Variants in PRKN observed in about 807,000 individuals in gnomAD.
PRKN encodes the protein E3 ubiquitin-protein ligase parkin.
In PRKN, 56 loss-of-function variants were observed where a neutral mutation model predicts 59.5. That is an observed-to-expected ratio of 0.94 (90% CI 0.76 to 1.18). The LOEUF (loss-of-function observed/expected upper bound fraction) is 1.18, where lower values mean the gene tolerates loss of function less well. PRKN is among the 50% of genes most tolerant of loss of function. PRKN has a pLI of 0.00. For missense variants in PRKN, 657 were observed against 596.4 expected (o/e 1.10, Z -1.06); for synonymous variants, 250 against 222.1 (o/e 1.13, Z -1.12).
intron 7 of PRKN, among the ~76,000 whole-genome samples, chr6:161,614,152 A>G (rs1452837533): frequency 1.3e-5 from 2 of 152,054 alleles, no homozygotes; most frequent in Admixed American, 6.5e-5. Flanking sequence ...CTTCAGCCAC[A>G]TCTCTCTGGT....
chr6:161,705,670 T>A (rs546668585), intron 7 of PRKN, among the ~76,000 whole-genome samples: 1 of 152,200 alleles, frequency 6.6e-6, no homozygotes, highest in Non-Finnish European at 1.5e-5. Context: ...ACTGGCTGCA[T>A]TGAATGAAAG....
At chr6:162,298,856 T>C (rs1456292075) in intron 2 of PRKN, among the ~76,000 whole-genome samples, 1 of 152,042 alleles carries the variant, frequency 6.6e-6, no homozygotes, top group Non-Finnish European at 1.5e-5. Context: ...AGGGGAGGGC[T>C]GGAAGCCTGG....
chr6:162,112,030 C>T (rs977466580), intron 4 of PRKN, among the ~76,000 whole-genome samples: 19 of 152,306 alleles, frequency 1.2e-4, no homozygotes, highest in African/African-American at 4.6e-4. Flanking sequence ...GAATCTAAGC[C>T]AGTTTTCTGA....
rs575493345 is a variant in PRKN at position 162,162,249 on chromosome 6, A to C, written c.534+38882T>G. On this transcript the variant is annotated intron_variant, in intron 4 of 11. Transcript: ENST00000366898. Reference sequence around the variant, plus strand: ...CAGGCACATGCCACCATACCTGGCTAATTTCACCGCACCTGACCTTACATA... The same window carrying C: ...CAGGCACATGCCACCATACCTGGCTCATTTCACCGCACCTGACCTTACATA... Among the ~76,000 whole-genome samples the C allele has an allele frequency of 5.9e-5, 9 of 152,308 alleles. No homozygotes were observed. The South Asian group carries it at 1.9e-3, about 32-fold the overall frequency.
intron 6 of PRKN, among the ~76,000 whole-genome samples, chr6:161,927,112 A>G (rs1395646212): frequency 2.0e-5 from 3 of 152,156 alleles, no homozygotes; most frequent in Admixed American, 6.5e-5. Flanking sequence ...AAAAAAATAC[A>G]CATACACATG....
chr6:162,156,898 G>A (rs1782537488), intron 4 of PRKN, among the ~76,000 whole-genome samples: 1 of 152,044 alleles, frequency 6.6e-6, no homozygotes, highest in African/African-American at 2.4e-5. Context: ...CCCTATCTGG[G>A]AGCCTGATTT....
chr6:161,879,567 C>T (rs1192054895), intron 6 of PRKN, among the ~76,000 whole-genome samples: 2 of 151,982 alleles, frequency 1.3e-5, no homozygotes, highest in African/African-American at 4.8e-5. Flanking sequence ...AGGATGGTCT[C>T]GATCTCCTGA....
chr6:162,467,276 A>G (rs1221773522), intron 1 of PRKN, among the ~76,000 whole-genome samples: 2 of 152,118 alleles, frequency 1.3e-5, no homozygotes, highest in East Asian at 1.9e-4. Context: ...TCTATCCCCA[A>G]TGTCTGGCAC....
chr6:161,545,032 G>T lies in PRKN; in HGVS notation c.1083+3822C>A, dbSNP rs1779746578. ...ATGGTCGTGGGTGAAATGACTAGAA[G>T]ATTAGAATCCTCTGGAGCCCAGAGC... On this transcript the variant is annotated intron_variant, in intron 9 of 11. Transcript: ENST00000366898. The surrounding 1 kb of genome is among the most constrained non-coding windows in gnomAD (Gnocchi z 4.1). 8.8e-6 allele frequency: 4 copies of T among 453,004 alleles called. No individual in the cohort carries two copies. Among genetic ancestry groups the T allele is most frequent in the Non-Finnish European group, 1.2e-5 (4 of 321,408 alleles). 28.1% of individuals were successfully genotyped at this position (453,004 alleles called of 1,614,324 possible).
chr6:162,606,357 A>G (rs1437116166), intron 1 of PRKN, among the ~76,000 whole-genome samples: 6 of 152,252 alleles, frequency 3.9e-5, no homozygotes, highest in Non-Finnish European at 2.9e-5. Context: ...GGTCAAAATT[A>G]TCTCACACAA....
At chr6:161,751,134 A>C (rs1283439021) in intron 7 of PRKN, among the ~76,000 whole-genome samples, 1 of 152,216 alleles carries the variant, frequency 6.6e-6, no homozygotes, top group African/African-American at 2.4e-5. Context: ...CCAATTAACA[A>C]ACAATGTAAA....
At position 161,658,030 on chromosome 6, in the gene PRKN, A is replaced by AAAAAAAAAAAAAAAAAAAAG. The variant is rs781518268; in HGVS notation, c.872-88615_872-88614insCTTTTTTTTTTTTTTTTTTT. ...GACTCTGTCTCAAAAAAAAAAAAAA[A>AAAAAAAAAAAAAAAAAAAAG]AAAAGAAAAGAAAAGAAAAAAACGG... On this transcript the variant is annotated intron_variant, in intron 7 of 11. Coordinates refer to ENST00000366898, the MANE Select transcript of PRKN (RefSeq NM_004562.3). Among the ~76,000 whole-genome samples the AAAAAAAAAAAAAAAAAAAAG allele has an allele frequency of 6.5e-4, 68 of 104,836 alleles. 1 individual carries two copies. The highest frequency in any genetic ancestry group is 2.2e-3 in the African/African-American group (63 of 28,582). The allele number at this position is 104,836 out of a possible 152,430, so 68.8% of individuals were successfully genotyped here.
At chr6:162,356,643 A>C (rs911420433) in intron 2 of PRKN, among the ~76,000 whole-genome samples, 2 of 151,678 alleles carry the variant, frequency 1.3e-5, no homozygotes, top group African/African-American at 2.4e-5. Context: ...GAGAAGAAGA[A>C]GACCCAGAAA....
chr6:162,621,480 G>A (rs1782660720), intron 1 of PRKN, among the ~76,000 whole-genome samples: 1 of 152,132 alleles, frequency 6.6e-6, no homozygotes, highest in Non-Finnish European at 1.5e-5. Context: ...CCACTGACCA[G>A]AGAAACATGA....
intron 2 of PRKN, among the ~76,000 whole-genome samples, chr6:162,319,955 A>G (rs536820610): frequency 6.6e-6 from 1 of 151,842 alleles, no homozygotes; most frequent in Non-Finnish European, 1.5e-5. Flanking sequence ...CTCATCATTC[A>G]TCCTACTTCC....
chr6:162,155,000 C>G (rs1782444282), intron 4 of PRKN, among the ~76,000 whole-genome samples: 2 of 148,774 alleles, frequency 1.3e-5, no homozygotes, highest in South Asian at 2.1e-4. Flanking sequence ...TCAAAAAAAG[C>G]ACAAAAAGGA....
At chr6:162,202,249 T>A (rs983306616) in intron 3 of PRKN, among the ~76,000 whole-genome samples, 1 of 152,100 alleles carries the variant, frequency 6.6e-6, no homozygotes, top group Admixed American at 6.5e-5. Flanking sequence ...CACAAATGCA[T>A]ATGATCTATT....
intron 2 of PRKN, among the ~76,000 whole-genome samples, chr6:162,435,395 G>T (rs1268331625): frequency 6.6e-6 from 1 of 151,840 alleles, no homozygotes; most frequent in East Asian, 1.9e-4. Context: ...AATCCTCAGA[G>T]ATGTTTTGTA....
chr6:162,021,152 A>G lies in PRKN; in HGVS notation c.618+32939T>C, dbSNP rs374011110. ...TATATATATATATATATATATATAT[A>G]TATATATATATATAAAATATATGTG... On this transcript the variant is annotated intron_variant, in intron 5 of 11. Transcript: ENST00000366898. 3.9e-4 allele frequency among the ~76,000 whole-genome samples: 7 copies of G among 17,908 alleles called. 1 individual carries two copies. Among genetic ancestry groups the G allele is most frequent in the East Asian group, 2.3e-3 (1 of 426 alleles). The allele number at this position is 17,908 out of a possible 152,430, so 11.7% of individuals were successfully genotyped here.
Sources: gnomAD v4.1 joint callset for allele counts (sites outside exome capture counted in the v4.1 genomes callset) on GRCh38, gnomAD v4.1.1 for gene constraint, Gnocchi (gnomAD v3.1) non-coding constraint, MANE v1.5 for transcripts, NCBI Gene and HGNC (gene_info 2026-07-23, HGNC 2026-07-21) for gene names.